The following MEOX2 variants were observed in gnomAD, a reference collection of about 807,000 sequenced individuals.
MEOX2 encodes the protein homeobox protein MOX-2.
Under a neutral mutation model 27.0 loss-of-function variants are expected in MEOX2, and 11 were observed. That is an observed-to-expected ratio of 0.41 (90% CI 0.26 to 0.68). The LOEUF (loss-of-function observed/expected upper bound fraction) is 0.68, where lower values mean the gene tolerates loss of function less well. MEOX2 is among the 30% of genes least tolerant of loss of function. The probability of loss-of-function intolerance (pLI) is 0.33; values close to 1 mark genes in which losing one functional copy is unlikely to be tolerated. For synonymous variants in MEOX2, 189 were observed against 155.4 expected, an observed-to-expected ratio of 1.22 and a Z score of -1.61; for missense variants, 436 against 385.4, an observed-to-expected ratio of 1.13 and a Z score of -1.10.
intron 1 of MEOX2, among the ~76,000 whole-genome samples, chr7:15,670,407 A>C (rs1025288670): frequency 6.6e-6 from 1 of 152,158 alleles, no homozygotes; most frequent in Non-Finnish European, 1.5e-5. Flanking sequence ...TGAATCTGAT[A>C]ATCTCTTTGT....
intron 1 of MEOX2, among the ~76,000 whole-genome samples, chr7:15,673,414 G>A (rs10263561): frequency 0.08 from 12,117 of 151,958 alleles, 810 homozygotes; most frequent in African/African-American, 0.19. Flanking sequence ...CTATGGGATA[G>A]AAATAAAAAA....
intron 1 of MEOX2, among the ~76,000 whole-genome samples, chr7:15,637,032 T>C (rs1781489625): frequency 6.6e-6 from 1 of 152,074 alleles, no homozygotes; most frequent in Non-Finnish European, 1.5e-5. Context: ...ATTCAGACCA[T>C]AGAATTATCC....
At chr7:15,672,143 A>G (rs879548967) in intron 1 of MEOX2, among the ~76,000 whole-genome samples, 2 of 152,168 alleles carry the variant, frequency 1.3e-5, no homozygotes, top group Admixed American at 6.6e-5. Context: ...AAAAATTTGA[A>G]ATTAATCTAT....
chr7:15,674,896 G>C (rs1189536198), intron 1 of MEOX2, among the ~76,000 whole-genome samples: 1 of 152,046 alleles, frequency 6.6e-6, no homozygotes, highest in Non-Finnish European at 1.5e-5. Flanking sequence ...AGCATCTTCT[G>C]TGCAAAAAGA....
chr7:15,627,063 G>A (rs544600165), intron 1 of MEOX2, 145 bp from the exon 2 acceptor site: 1 of 635,516 alleles, frequency 1.6e-6, no homozygotes, highest in Non-Finnish European at 2.6e-6. Flanking sequence ...AAGACTGACG[G>A]CAGCTCAACG....
chr7:15,675,349 T>G (rs546901845), intron 1 of MEOX2, among the ~76,000 whole-genome samples: 1 of 152,212 alleles, frequency 6.6e-6, no homozygotes, highest in African/African-American at 2.4e-5. Context: ...GAGGTAATCA[T>G]GAAATCAGAT....
At chr7:15,613,848 T>C (rs1781074499) in intron 2 of MEOX2, among the ~76,000 whole-genome samples, 1 of 151,854 alleles carries the variant, frequency 6.6e-6, no homozygotes, top group Non-Finnish European at 1.5e-5. Context: ...ATTTGAATTC[T>C]TTTTTTTCTA....
At chr7:15,658,646 T>G (rs557728021) in intron 1 of MEOX2, among the ~76,000 whole-genome samples, 1 of 152,264 alleles carries the variant, frequency 6.6e-6, no homozygotes, top group African/African-American at 2.4e-5. Flanking sequence ...GATGGTATTT[T>G]GAGTTGGGGC....
At chr7:15,621,752 T>A (rs1054893211) in intron 2 of MEOX2, among the ~76,000 whole-genome samples, 1 of 152,216 alleles carries the variant, frequency 6.6e-6, no homozygotes, top group Non-Finnish European at 1.5e-5. Context: ...AATTTCCACA[T>A]GACAATATGT....
Position 15,612,584 on chromosome 7 carries a change from T to A in MEOX2, c.718A>T (p.Met240Leu). 6.2e-7 allele frequency: 1 copy of A among 1,614,024 alleles called. No individual in the cohort carries two copies. The highest frequency in any genetic ancestry group is 8.5e-7 in the Non-Finnish European group (1 of 1,180,020). ...QVKVWFQNRR[M>L]KWKRVKGGQQ... is the part of the protein sequence containing the mutation. ...CCACCCTTTACCCTCTTCCACTTCA[T>A]CCGCCTGTTTTGGAACCAGACTTTC... The change falls in exon 3 of 3, where the codon ATG becomes TTG. Residue 240 changes from methionine to leucine, a missense_variant. Coordinates refer to ENST00000262041, the MANE Select transcript of MEOX2 (RefSeq NM_005924.5).
intron 1 of MEOX2, among the ~76,000 whole-genome samples, chr7:15,682,370 CTTATTAAA>C (rs2115398689): frequency 6.6e-6 from 1 of 151,846 alleles, no homozygotes; most frequent in Non-Finnish European, 1.5e-5. Flanking sequence ...TAAGTTCCAA[CTTATTAAA>C]TGTAATATTT....
At chr7:15,631,246 A>G (rs1209013452) in intron 1 of MEOX2, among the ~76,000 whole-genome samples, 2 of 151,650 alleles carry the variant, frequency 1.3e-5, no homozygotes, top group African/African-American at 4.8e-5. Flanking sequence ...AAAAAAAATC[A>G]TTGTACCTGC....
chr7:15,644,446 A>C (rs1781612053), intron 1 of MEOX2, among the ~76,000 whole-genome samples: 1 of 152,156 alleles, frequency 6.6e-6, no homozygotes, highest in African/African-American at 2.4e-5. Context: ...CAAGGAATCT[A>C]AAAGAGCAAA....
intron 2 of MEOX2, among the ~76,000 whole-genome samples, chr7:15,616,562 A>T (rs7788980): frequency 0.49 from 73,766 of 151,596 alleles, 19,304 homozygotes; most frequent in Non-Finnish European, 0.6. Flanking sequence ...TCACTTTATT[A>T]ACCCAGCTTT....
At chr7:15,669,670 C>A (rs905801454) in intron 1 of MEOX2, among the ~76,000 whole-genome samples, 1 of 152,194 alleles carries the variant, frequency 6.6e-6, no homozygotes, top group African/African-American at 2.4e-5. Flanking sequence ...ACGGTATAGA[C>A]AAGAGACTCC....
chr7:15,640,837 G>C (rs912946496), intron 1 of MEOX2, among the ~76,000 whole-genome samples: 1 of 152,136 alleles, frequency 6.6e-6, no homozygotes, highest in Non-Finnish European at 1.5e-5. Flanking sequence ...TTATTGAGTT[G>C]TGTATGTTGA....
chr7:15,681,894 A>G (rs1321182643), intron 1 of MEOX2: 1 of 151,836 alleles, frequency 6.6e-6, no homozygotes, highest in East Asian at 1.9e-4. Flanking sequence ...AGAAATTTAC[A>G]CAGAATTGGA....
intron 1 of MEOX2, among the ~76,000 whole-genome samples, chr7:15,642,495 T>C (rs952103523): frequency 8.5e-5 from 13 of 152,192 alleles, no homozygotes; most frequent in African/African-American, 3.1e-4. Context: ...TATATCTATC[T>C]TGCCTTTTGT....
chr7:15,667,061 G>A (rs1185757769), intron 1 of MEOX2, among the ~76,000 whole-genome samples: 1 of 150,750 alleles, frequency 6.6e-6, no homozygotes, highest in African/African-American at 2.4e-5. Flanking sequence ...GGAAGCCGAG[G>A]AGGACAGATC....
Sources: gnomAD v4.1 joint callset for allele counts (sites outside exome capture counted in the v4.1 genomes callset) on GRCh38, gnomAD v4.1.1 for gene constraint, MANE v1.5 for transcripts, NCBI Gene and HGNC (gene_info 2026-07-23, HGNC 2026-07-21) for gene names.